The following ADSL variants were observed in gnomAD, a reference collection of about 807,000 sequenced individuals.
ADSL encodes the protein adenylosuccinate lyase.
In ADSL, 44 loss-of-function variants were observed where a neutral mutation model predicts 62.1. That is an observed-to-expected ratio of 0.71 (90% CI 0.56 to 0.91). The LOEUF is 0.91. ADSL is among the 40% of genes least tolerant of loss of function. The probability of loss-of-function intolerance (pLI) is 0.00; values close to 1 mark genes in which losing one functional copy is unlikely to be tolerated. For synonymous variants in ADSL, 198 were observed against 220.5 expected, an observed-to-expected ratio of 0.90 and a Z score of 0.90; for missense variants, 531 against 627.4, an observed-to-expected ratio of 0.85 and a Z score of 1.64.
downstream of ADSL, among the ~76,000 whole-genome samples, chr22:40,371,807 C>G (rs1278149458): frequency 6.6e-5 from 10 of 152,000 alleles, no homozygotes; most frequent in Non-Finnish European, 1.5e-5. Context: ...AGTGATTCTC[C>G]TGCCTCAGCC....
Position 40,358,949 on chromosome 22 carries a change from C to T in ADSL, c.568C>T (p.Arg190Ter), listed in dbSNP as rs750614500. 24 of 1,614,142 alleles carry T rather than the reference C, an allele frequency of 1.5e-5. No homozygotes were observed. Among genetic ancestry groups the T allele is most frequent in the Admixed American group, 5.0e-5 (3 of 60,008 alleles). The change falls in exon 5 of 13, where the codon CGA becomes TGA. Residue 190 changes from arginine to a stop codon, truncating the protein, a stop_gained. Transcript: ENST00000623063. LOFTEE classifies it high-confidence loss of function. Reference protein sequence around the residue: ...CMDLQNLKRVRDDLRFRGVKG... With the variant: ...CMDLQNLKRV ...GGATCTCCAGAACTTGAAGCGTGTC[C>T]GAGATGACCTGCGCTTCCGGGGAGT...
intron 2 of ADSL, among the ~76,000 whole-genome samples, chr22:40,352,303 G>A (rs778548213): frequency 2.6e-5 from 4 of 152,066 alleles, no homozygotes; most frequent in Non-Finnish European, 4.4e-5. Flanking sequence ...CGAGGTGGGC[G>A]GATCATGAGG....
intron 5 of ADSL, 75 bp from the exon 6 acceptor site, chr22:40,359,184 TG>T: frequency 6.3e-7 from 1 of 1,591,034 alleles, no homozygotes; most frequent in Non-Finnish European, 8.6e-7. Context: ...GAGCGAGACC[TG>T]GGTAGGATGA....
chr22:40,350,084 T>G (rs1569087071), intron 2 of ADSL, 49 bp downstream of exon 2: 1 of 1,563,574 alleles, frequency 6.4e-7, no homozygotes, highest in Non-Finnish European at 8.8e-7. Flanking sequence ...TAGAATCTAT[T>G]TGTCAATTTT....
chr22:40,386,443 G>A (rs149351501), intron 2 of ADSL, among the ~76,000 whole-genome samples: 20 of 151,976 alleles, frequency 1.3e-4, no homozygotes, highest in African/African-American at 4.6e-4. Flanking sequence ...CAATGGGCCT[G>A]TCTCTAGCTG....
Position 40,353,132 on chromosome 22 carries a change from G to C in ADSL, c.402+15G>C. The C allele has an allele frequency of 6.2e-7, 1 of 1,609,856 alleles. No homozygotes were observed. Among genetic ancestry groups the C allele is most frequent in the Non-Finnish European group, 8.5e-7 (1 of 1,176,102 alleles). ...TTTTGCCAAAGGTAAGGAGTTGGCA[G>C]ATGTTTCCTACCAACCCTAGATTCC... On this transcript the variant is annotated intron_variant, in intron 3 of 12. Transcript: ENST00000623063.
rs991323994 is a variant in ADSL, at chr22:40,375,065, G to A, written c.89+8567G>A. On this transcript the variant is annotated intron_variant, in intron 2 of 2. Transcript: ENST00000498234. ...ATTTATGCTCACCATTTATACATGAGGAGAGATACATTCACCTCTTTTCAG... is the reference window on the plus strand; with the variant it reads ...ATTTATGCTCACCATTTATACATGAAGAGAGATACATTCACCTCTTTTCAG... 2.0e-5 allele frequency among the ~76,000 whole-genome samples: 3 copies of A among 152,132 alleles called. 1 individual carries two copies. The highest frequency in any genetic ancestry group is 4.4e-5 in the Non-Finnish European group (3 of 68,040).
chr22:40,365,326 G>A (rs1483621192), intron 12 of ADSL, among the ~76,000 whole-genome samples: 1 of 152,122 alleles, frequency 6.6e-6, no homozygotes, highest in Non-Finnish European at 1.5e-5. Context: ...CCAAGATACC[G>A]CTGTTTTGAG....
At chr22:40,355,147 T>G (rs2044504588) in intron 4 of ADSL, among the ~76,000 whole-genome samples, 1 of 152,204 alleles carries the variant, frequency 6.6e-6, no homozygotes, top group Non-Finnish European at 1.5e-5. Context: ...AGTTTTGTTT[T>G]GTTTTTGGAG....
chr22:40,369,399 T>C (rs1202125021), downstream of ADSL: 4 of 149,458 alleles, frequency 2.7e-5, no homozygotes, highest in East Asian at 5.8e-4. Flanking sequence ...GGAAAACATA[T>C]ATATATTAAA....
At chr22:40,374,168 A>G (rs764430956), downstream of ADSL, among the ~76,000 whole-genome samples, 5 of 150,044 alleles carry the variant, frequency 3.3e-5, no homozygotes, top group Non-Finnish European at 7.4e-5. Flanking sequence ...TGTTAGCCAG[A>G]ATGGTCTTGA....
At chr22:40,378,390 CT>C (rs1569137644) in intron 2 of ADSL, 1 of 152,202 alleles carries the variant, frequency 6.6e-6, no homozygotes, top group Non-Finnish European at 1.5e-5. Flanking sequence ...AATAGTGCCA[CT>C]GCATTCCAGC....
chr22:40,383,118 C>T (rs545791120), intron 2 of ADSL, among the ~76,000 whole-genome samples: 1 of 152,150 alleles, frequency 6.6e-6, no homozygotes, highest in Non-Finnish European at 1.5e-5. Flanking sequence ...GGATTCAGCC[C>T]TTGAAGAGCT....
At chr22:40,386,562 C>CTTTT (rs60319316) in intron 2 of ADSL, among the ~76,000 whole-genome samples, 1,111 of 68,354 alleles carry the variant, frequency 0.016, 54 homozygotes, top group Non-Finnish European at 0.019. Flanking sequence ...AATTTTCTTA[C>CTTTT]TTTTTTTTTT....
intron 2 of ADSL, among the ~76,000 whole-genome samples, chr22:40,384,181 C>G (rs1213481465): frequency 6.6e-6 from 1 of 151,844 alleles, no homozygotes; most frequent in Non-Finnish European, 1.5e-5. Flanking sequence ...GAAGTCAAGG[C>G]TGCAGTGAGT....
chr22:40,376,038 C>A (rs1192407646), intron 2 of ADSL, among the ~76,000 whole-genome samples: 3 of 151,580 alleles, frequency 2.0e-5, no homozygotes, highest in East Asian at 1.9e-4. Context: ...CAAAGGGAGA[C>A]CCTGTCTCAA....
chr22:40,362,234 G>T (rs913947303), intron 9 of ADSL, among the ~76,000 whole-genome samples: 2 of 152,174 alleles, frequency 1.3e-5, no homozygotes, highest in African/African-American at 4.8e-5. Context: ...AAGCAGATTG[G>T]CATTACTCTC....
rs776612453 is a variant in ADSL at position 40,369,003 on chromosome 22, T to C, written c.*2481T>C. On this transcript the variant is annotated 3_prime_UTR_variant, in exon 13 of 13. Transcript: ENST00000623063. ...TAAGTCATGGGACTCTGACCAGATA[T>C]TCTGTCTACTTCCTTCTCTGCTATG... is the stretch of plus-strand genomic sequence containing the variant. 4 of 152,228 alleles carry C rather than the reference T, an allele frequency of 2.6e-5. No individual in the cohort carries two copies. Among genetic ancestry groups the C allele is most frequent in the Non-Finnish European group, 4.4e-5 (3 of 68,044 alleles). 9.4% of individuals were successfully genotyped at this position (152,228 alleles called of 1,614,324 possible). A position where few individuals can be genotyped will look rare whatever the true frequency, so the allele number is the denominator to read the frequency against.
Position 40,366,979 on chromosome 22 carries a change from T to TAAAAAAAA in ADSL, c.*467_*474dup, listed in dbSNP as rs71718801. 7.4e-6 allele frequency: 1 copy of TAAAAAAAA among 135,784 alleles called. No homozygotes were observed. The allele number at this position is 135,784 out of a possible 1,614,324, so 8.4% of individuals were successfully genotyped here. A position where few individuals can be genotyped will look rare whatever the true frequency, so the allele number is the denominator to read the frequency against. Reference sequence around the variant, plus strand: ...GAAGTTTGGAACTACAGTAAATACTTAAAAAAAAAAAAAAAAAGAACCAAA... The same window carrying TAAAAAAAA: ...GAAGTTTGGAACTACAGTAAATACTTAAAAAAAAAAAAAAAAAAAAAAAAAGAACCAAA... On this transcript the variant is annotated 3_prime_UTR_variant, in exon 13 of 13. Transcript: ENST00000623063.
Sources: allele counts gnomAD v4.1 joint callset (sites outside exome capture counted in the v4.1 genomes callset), GRCh38; gene constraint gnomAD v4.1.1; transcripts MANE v1.5; gene names NCBI Gene and HGNC (gene_info 2026-07-23, HGNC 2026-07-21).